DIAPH2: variants seen among roughly 807,000 people sequenced by gnomAD.
The protein encoded by DIAPH2 is protein diaphanous homolog 2.
DIAPH2 carries 35 observed loss-of-function variants against 92.7 expected under a neutral mutation model. That is an observed-to-expected ratio of 0.38 (90% confidence interval 0.29 to 0.50). The LOEUF (loss-of-function observed/expected upper bound fraction) is 0.50, where lower values mean the gene tolerates loss of function less well. Among genes scored for constraint, DIAPH2 ranks in the 20% least tolerant of loss-of-function variants. The pLI, the probability that DIAPH2 is intolerant of heterozygous loss-of-function variation, is 0.94. For missense variants in DIAPH2, 701 were observed against 819.5 expected, an observed-to-expected ratio of 0.86 and a Z score of 1.77; for synonymous variants, 301 against 280.4, an observed-to-expected ratio of 1.07 and a Z score of -0.73.
intron 24 of DIAPH2, among the ~76,000 whole-genome samples, chrX:97,380,937 T>A (rs971229103): frequency 1.8e-4 from 20 of 111,709 alleles, no homozygotes; most frequent in African/African-American, 6.5e-4. Context: ...CCATTACAAA[T>A]TGTGATTGTT....
intron 4 of DIAPH2, among the ~76,000 whole-genome samples, chrX:96,870,332 G>A (rs182909957): frequency 0.013 from 1,477 of 110,150 alleles, 11 homozygotes; most frequent in Non-Finnish European, 0.022. Flanking sequence ...CGTGATCTTG[G>A]CTCACTGCAA....
chrX:97,275,292 C>T lies in DIAPH2; in HGVS notation c.2844+27453C>T, dbSNP rs866796222. Among the ~76,000 whole-genome samples the T allele has an allele frequency of 1.2e-4, 10 of 81,536 alleles. No individual in the cohort carries two copies. The South Asian group carries it at 3.0e-3, about 25-fold the overall frequency. 70.8% of individuals were successfully genotyped at this position (81,536 alleles called of 115,157 possible). The stretch of plus-strand genomic sequence containing the variant: ...GGGGCTGCCCCCCCAACCTCCCTCC[C>T]GGGAGGGGCGGCTGGCCCGGCGGGG... On this transcript the variant is annotated intron_variant, in intron 23 of 26. Coordinates refer to ENST00000324765, the MANE Select transcript of DIAPH2 (RefSeq NM_006729.5).
chrX:97,224,479 A>C (rs1254542608), intron 22 of DIAPH2, among the ~76,000 whole-genome samples: 3 of 112,317 alleles, frequency 2.7e-5, no homozygotes, highest in Non-Finnish European at 5.6e-5. Flanking sequence ...AAAGATTGCT[A>C]AACAGAAATG....
intron 23 of DIAPH2, among the ~76,000 whole-genome samples, chrX:97,341,708 T>C (rs1312743362): frequency 9.0e-6 from 1 of 111,061 alleles, no homozygotes; most frequent in Non-Finnish European, 1.9e-5. Flanking sequence ...GGAATGTCAA[T>C]GTCCCAGGGC....
intron 22 of DIAPH2, among the ~76,000 whole-genome samples, chrX:97,165,525 G>T (rs183647254): frequency 4.9e-4 from 54 of 110,891 alleles, no homozygotes; most frequent in Middle Eastern, 4.6e-3. Context: ...ACAGAGTCTC[G>T]CTCTGTCACC....
At chrX:97,264,941 C>A (rs998957848) in intron 23 of DIAPH2, among the ~76,000 whole-genome samples, 15 of 111,271 alleles carry the variant, frequency 1.3e-4, no homozygotes, top group Non-Finnish European at 2.4e-4. Flanking sequence ...CAAGATCACA[C>A]CACTGCATTC....
In DIAPH2 at chrX:97,271,325, T is replaced by G. The variant is rs753091348; in HGVS notation, c.2844+23486T>G. Reference sequence around the variant, plus strand: ...CTTCAGATAATTGCTCTAAATGATGTTCACATGTGATCATAACAATAACAA... The same window carrying G: ...CTTCAGATAATTGCTCTAAATGATGGTCACATGTGATCATAACAATAACAA... On this transcript the variant is annotated intron_variant, in intron 23 of 26. Coordinates refer to ENST00000324765, the MANE Select transcript of DIAPH2 (RefSeq NM_006729.5). Among the ~76,000 whole-genome samples the G allele has an allele frequency of 2.7e-5, 3 of 112,276 alleles. No individual in the cohort carries two copies. The South Asian group carries it at 1.1e-3, about 42-fold the overall frequency.
At chrX:97,082,447 C>T (rs1334275793) in intron 19 of DIAPH2, among the ~76,000 whole-genome samples, 6 of 105,423 alleles carry the variant, frequency 5.7e-5, no homozygotes, top group Non-Finnish European at 9.7e-5. Flanking sequence ...TAATGAAACC[C>T]CGACTCTACT....
intron 26 of DIAPH2, among the ~76,000 whole-genome samples, chrX:97,441,206 G>A (rs775995171): frequency 2.9e-4 from 32 of 110,363 alleles, no homozygotes; most frequent in Admixed American, 2.6e-3. Context: ...ACCTGAGGTC[G>A]GGAGTTCGAG....
intron 23 of DIAPH2, among the ~76,000 whole-genome samples, chrX:97,255,951 C>A (rs1182330111): frequency 9.0e-6 from 1 of 111,705 alleles, no homozygotes; most frequent in Non-Finnish European, 1.9e-5. Flanking sequence ...GTGCATGATG[C>A]TAATGGTGAG....
At chrX:97,043,109 A>G (rs1369953960) in intron 17 of DIAPH2, among the ~76,000 whole-genome samples, 1 of 111,932 alleles carries the variant, frequency 8.9e-6, no homozygotes, top group Admixed American at 9.4e-5. Context: ...TGGGATTAGA[A>G]GTGTTTTCCC....
rs1197776289 is a variant in DIAPH2 at position 97,600,111 on chromosome X, G to GA, written c.*798dup. On this transcript the variant is annotated 3_prime_UTR_variant, in exon 27 of 27. Transcript: ENST00000324765. ...AAATACTTTATATGGCTATTTTTGA[G>GA]AAAACCCTCACATTTTAATGTTTAT... 1 of 112,471 alleles carries GA rather than the reference G, an allele frequency of 8.9e-6. No homozygotes were observed. The highest frequency in any genetic ancestry group is 1.9e-5 in the Non-Finnish European group (1 of 53,122). 9.3% of individuals were successfully genotyped at this position (112,471 alleles called of 1,213,427 possible).
At chrX:96,691,173 T>C (rs1176530284) in intron 1 of DIAPH2, among the ~76,000 whole-genome samples, 1 of 111,740 alleles carries the variant, frequency 8.9e-6, no homozygotes, top group Non-Finnish European at 1.9e-5. Flanking sequence ...TGGTTAAATG[T>C]TACTGGGTAC....
intron 24 of DIAPH2, among the ~76,000 whole-genome samples, chrX:97,362,075 T>G (rs1176095281): frequency 9.0e-6 from 1 of 110,954 alleles, no homozygotes; most frequent in South Asian, 3.8e-4. Flanking sequence ...ACCCTGTCTC[T>G]ACTAAAAATA....
intron 4 of DIAPH2, among the ~76,000 whole-genome samples, chrX:96,875,434 C>T (rs2065171950): frequency 8.9e-6 from 1 of 111,973 alleles, no homozygotes; most frequent in Non-Finnish European, 1.9e-5. Flanking sequence ...TTTCATTAAA[C>T]ATTTTAGCTA....
Position 97,253,266 on chromosome X carries a change from C to T in DIAPH2, c.2844+5427C>T, listed in dbSNP as rs180776597. Among the ~76,000 whole-genome samples, 183 of 78,383 alleles carry T rather than the reference C, an allele frequency of 2.3e-3. 1 individual carries two copies. Among genetic ancestry groups the T allele is most frequent in the Non-Finnish European group, 4.0e-3 (158 of 39,860 alleles). The allele number at this position is 78,383 out of a possible 115,157, so 68.1% of individuals were successfully genotyped here. On this transcript the variant is annotated intron_variant, in intron 23 of 26. Coordinates refer to ENST00000324765, the MANE Select transcript of DIAPH2 (RefSeq NM_006729.5). ...TTGCATCATTGCACTCCAGCCTGGG[C>T]GGCAAAAAGAGTAGGACTCCGTAAA...
chrX:96,952,126 G>C (rs1477487397), intron 15 of DIAPH2, among the ~76,000 whole-genome samples: 1 of 111,418 alleles, frequency 9.0e-6, no homozygotes, highest in African/African-American at 3.3e-5. Context: ...AAATGAGACT[G>C]TTTTCCATAG....
At chrX:97,580,760 G>T (rs1487142696) in intron 26 of DIAPH2, among the ~76,000 whole-genome samples, 2 of 109,933 alleles carry the variant, frequency 1.8e-5, no homozygotes, top group Admixed American at 9.6e-5. Flanking sequence ...GTTCCTCCTT[G>T]TACCTCTGGT....
intron 23 of DIAPH2, among the ~76,000 whole-genome samples, chrX:97,326,360 C>T (rs755408601): frequency 5.4e-5 from 6 of 111,592 alleles, no homozygotes; most frequent in African/African-American, 1.6e-4. Context: ...GGAATGCGAC[C>T]GCCATATATT....
Sources: allele counts gnomAD v4.1 joint callset (sites outside exome capture counted in the v4.1 genomes callset), GRCh38; gene constraint gnomAD v4.1.1; transcripts MANE v1.5; gene names NCBI Gene and HGNC (gene_info 2026-07-23, HGNC 2026-07-21).